ASPRV1: variants seen among roughly 807,000 people sequenced by gnomAD.
ASPRV1 encodes the protein retroviral-like aspartic protease 1.
A neutral mutation model predicts 11.0 loss-of-function variants in ASPRV1; 7 were observed. That is an observed-to-expected ratio of 0.64 (90% confidence interval 0.36 to 1.20). ASPRV1 has a LOEUF of 1.20. Among genes scored for constraint, ASPRV1 ranks in the 50% most tolerant of loss-of-function variants. ASPRV1 has a pLI of 0.02. For synonymous variants in ASPRV1, 136 were observed against 138.4 expected (o/e 0.98, Z 0.12); for missense variants, 299 against 320.0 (o/e 0.93, Z 0.50).
the ASPRV1 span, chr2:70,031,998 A>C: frequency 1.3e-5 from 2 of 152,178 alleles, no homozygotes; most frequent in Non-Finnish European, 2.9e-5. Context: ...ATTGGCCTGG[A>C]TTTGGAACCA....
At chr2:69,953,182 G>T in the ASPRV1 span, among the ~76,000 whole-genome samples, 1 of 152,368 alleles carries the variant, frequency 6.6e-6, no homozygotes, top group Non-Finnish European at 1.5e-5. Context: ...CCCATCTTCT[G>T]TACCTGCCTA....
At chr2:70,040,574 G>A in the ASPRV1 span, among the ~76,000 whole-genome samples, 22 of 152,088 alleles carry the variant, frequency 1.4e-4, no homozygotes, top group African/African-American at 2.4e-4. Context: ...GGTGGCTCAC[G>A]CCTGTAATCC....
chr2:70,082,765 A>G, the ASPRV1 span, among the ~76,000 whole-genome samples: 5 of 152,116 alleles, frequency 3.3e-5, no homozygotes, highest in Non-Finnish European at 5.9e-5. Flanking sequence ...TGGTGGGCAC[A>G]CACCTGCAGT....
At chr2:69,934,015 T>C in the ASPRV1 span, among the ~76,000 whole-genome samples, 1 of 152,246 alleles carries the variant, frequency 6.6e-6, no homozygotes, top group African/African-American at 2.4e-5. Context: ...CTCTGTCCTC[T>C]AGAAGCTTAA....
the ASPRV1 span, among the ~76,000 whole-genome samples, chr2:69,944,475 T>C: frequency 1.3e-5 from 2 of 152,098 alleles, no homozygotes; most frequent in Admixed American, 6.5e-5. Flanking sequence ...ACTTCACAGG[T>C]AAGGAAGCTG....
At chr2:70,062,027 C>G in the ASPRV1 span, among the ~76,000 whole-genome samples, 1 of 151,416 alleles carries the variant, frequency 6.6e-6, no homozygotes, top group African/African-American at 2.4e-5. Flanking sequence ...GTGGCTCACA[C>G]CTGTAATCCC....
the ASPRV1 span, among the ~76,000 whole-genome samples, chr2:70,024,571 G>T: frequency 6.6e-6 from 1 of 152,146 alleles, no homozygotes; most frequent in South Asian, 2.1e-4. Flanking sequence ...CCCCAAGGTT[G>T]CCCTGACCAC....
At chr2:70,061,109 G>A in the ASPRV1 span, among the ~76,000 whole-genome samples, 1 of 151,244 alleles carries the variant, frequency 6.6e-6, no homozygotes, top group Admixed American at 6.6e-5. Flanking sequence ...TAAAGGCAAA[G>A]GACAGGCCGG....
the ASPRV1 span, among the ~76,000 whole-genome samples, chr2:70,040,356 A>G: frequency 6.6e-6 from 1 of 152,328 alleles, no homozygotes; most frequent in South Asian, 2.1e-4. Flanking sequence ...CCTGAGTGAC[A>G]GAGCAAGACT....
the ASPRV1 span, among the ~76,000 whole-genome samples, chr2:70,061,008 G>A: frequency 5.3e-5 from 8 of 152,278 alleles, no homozygotes; most frequent in South Asian, 1.5e-3. Context: ...ACAGTTAAGT[G>A]GTCTTATGTA....
chr2:69,998,728 C>CAA, the ASPRV1 span, among the ~76,000 whole-genome samples: 4 of 102,150 alleles, frequency 3.9e-5, no homozygotes, highest in Non-Finnish European at 7.1e-5. Context: ...GACTCCGTCT[C>CAA]AAAAAAAAAA....
At chr2:70,086,475 C>A in the ASPRV1 span, 3 of 152,194 alleles carry the variant, frequency 2.0e-5, no homozygotes, top group Non-Finnish European at 2.9e-5. Context: ...CGGGAAGAAC[C>A]GGCAAAAAAG....
chr2:69,996,652 CT>C, the ASPRV1 span: 1 of 451,110 alleles, frequency 2.2e-6, no homozygotes, highest in South Asian at 1.6e-5. Context: ...GCAAATGCTT[CT>C]GAGAGAGGCA....
At chr2:69,995,251 T>C in the ASPRV1 span, 1 of 151,096 alleles carries the variant, frequency 6.6e-6, no homozygotes, top group Non-Finnish European at 1.5e-5. Flanking sequence ...TAGCCAGGCG[T>C]GGTGACGGGC....
rs376760298 is a variant in ASPRV1, at chr2:69,960,624, C to A, written c.*33G>T. On this transcript the variant is annotated 3_prime_UTR_variant, in exon 1 of 1. Coordinates refer to ENST00000320256, the MANE Select transcript of ASPRV1 (RefSeq NM_152792.4). ...CCCCCACAGCGGTGGGTCTTCCCAC[C>A]AATATTTAGGAGGTTAAAGAAAAGG... 10 of 1,578,114 alleles carry A rather than the reference C, an allele frequency of 6.3e-6. No individual in the cohort carries two copies. The highest frequency in any genetic ancestry group is 5.4e-5 in the African/African-American group (4 of 73,944).
the ASPRV1 span, chr2:70,016,466 G>A: frequency 1.5e-5 from 2 of 137,906 alleles, no homozygotes; most frequent in African/African-American, 6.5e-5. Flanking sequence ...CTTGAGCCCA[G>A]GAGTTTAAGG....
the ASPRV1 span, chr2:70,053,894 C>T: frequency 1.3e-5 from 2 of 152,218 alleles, no homozygotes; most frequent in Non-Finnish European, 2.9e-5. Context: ...CTTTCTCTCT[C>T]CACCTCTCTC....
the ASPRV1 span, among the ~76,000 whole-genome samples, chr2:70,064,342 T>G: frequency 6.6e-6 from 1 of 152,172 alleles, no homozygotes; most frequent in East Asian, 1.9e-4. Flanking sequence ...TTCTAGCCAC[T>G]GCTGATAAGC....
the ASPRV1 span, among the ~76,000 whole-genome samples, chr2:70,061,711 T>C: frequency 6.6e-6 from 1 of 150,410 alleles, no homozygotes. Context: ...TCCCAGCACT[T>C]TGGGAGGCAA....
Sources: allele counts gnomAD v4.1 joint callset (sites outside exome capture counted in the v4.1 genomes callset), GRCh38; gene constraint gnomAD v4.1.1; transcripts MANE v1.5; gene names NCBI Gene and HGNC (gene_info 2026-07-23, HGNC 2026-07-21).